Variants in SFXN1 observed in about 807,000 individuals in gnomAD.
SFXN1 encodes sideroflexin-1.
SFXN1 carries 32 observed loss-of-function variants against 39.5 expected under a neutral mutation model. The ratio of observed to expected loss-of-function variants is 0.81; its 90% CI spans 0.61 to 1.09. The LOEUF is 1.09. Ranked by LOEUF, SFXN1 falls within the 50% of genes least tolerant of loss-of-function variation. The probability of loss-of-function intolerance (pLI) is 0.00; values close to 1 mark genes in which losing one functional copy is unlikely to be tolerated. For synonymous variants in SFXN1, 136 were observed against 146.5 expected, an observed-to-expected ratio of 0.93 and a Z score of 0.52; for missense variants, 402 against 407.1, an observed-to-expected ratio of 0.99 and a Z score of 0.11.
rs879019439 is a variant in SFXN1 at position 175,527,915 on chromosome 5, A to ATTTTTTTTTT, written c.*1194_*1203dup. 8.2e-6 allele frequency: 1 copy of ATTTTTTTTTT among 121,226 alleles called. No homozygotes were observed. Among genetic ancestry groups the ATTTTTTTTTT allele is most frequent in the East Asian group, 2.3e-4 (1 of 4,280 alleles). The allele number at this position is 121,226 out of a possible 1,614,324, so 7.5% of individuals were successfully genotyped here. ...GAATTCAACCAAGTTTGGATGGAAA[A>ATTTTTTTTTT]TTTTTTTTTTTTTTTTTTTTTTGAG... is the stretch of plus-strand genomic sequence containing the variant. On this transcript the variant is annotated 3_prime_UTR_variant, in exon 11 of 11. Transcript: ENST00000321442.
intron 2 of SFXN1, among the ~76,000 whole-genome samples, chr5:175,494,828 G>A (rs1259078890): frequency 6.6e-6 from 1 of 151,798 alleles, no homozygotes; most frequent in East Asian, 1.9e-4. Context: ...CTTCTTGGGT[G>A]GTCAAAAGAT....
chr5:175,521,793 A>C (rs572799295), intron 8 of SFXN1, 126 bp from the exon 9 acceptor site: 1 of 735,734 alleles, frequency 1.4e-6, no homozygotes, highest in South Asian at 2.5e-5. Flanking sequence ...ATTTCCCCCA[A>C]ATTTCACTAA....
intron 2 of SFXN1, among the ~76,000 whole-genome samples, chr5:175,499,259 A>G (rs1403459557): frequency 2.5e-5 from 2 of 79,970 alleles, no homozygotes; most frequent in Non-Finnish European, 4.8e-5. Context: ...TGTCTCAAGA[A>G]AAAAAAAAAA....
intron 8 of SFXN1, among the ~76,000 whole-genome samples, chr5:175,517,833 A>T (rs1465339117): frequency 6.6e-6 from 1 of 152,134 alleles, no homozygotes; most frequent in East Asian, 1.9e-4. Context: ...CATGATGCCC[A>T]TGCGGTGGTG....
At chr5:175,495,788 A>G (rs984801435) in intron 2 of SFXN1, among the ~76,000 whole-genome samples, 2 of 152,206 alleles carry the variant, frequency 1.3e-5, no homozygotes. Context: ...CTACAATAAA[A>G]AAAGAAACAT....
chr5:175,495,796 C>A (rs66797059), intron 2 of SFXN1, among the ~76,000 whole-genome samples: 41,793 of 149,574 alleles, frequency 0.28, 6,041 homozygotes, highest in South Asian at 0.45. Flanking sequence ...AAAAAAGAAA[C>A]ATATAAGAAA....
chr5:175,516,777 G>A, intron 8 of SFXN1, 114 bp downstream of exon 8: 1 of 962,304 alleles, frequency 1.0e-6, no homozygotes, highest in Non-Finnish European at 1.5e-6. Context: ...CAGTTTCCTG[G>A]GCTCTTACGT....
chr5:175,521,994 T>G, intron 9 of SFXN1, 26 bp downstream of exon 9: 3 of 1,557,516 alleles, frequency 1.9e-6, no homozygotes, highest in Non-Finnish European at 1.8e-6. Context: ...TTTTACATAA[T>G]TAATTTCTTT....
At chr5:175,511,728 C>A (rs1443572253) in intron 5 of SFXN1, 2 of 574,264 alleles carry the variant, frequency 3.5e-6, no homozygotes, top group Non-Finnish European at 6.2e-6. Flanking sequence ...GGACTGTGGT[C>A]TGTGCCTGAC....
chr5:175,519,010 C>T (rs1760799184), intron 8 of SFXN1, among the ~76,000 whole-genome samples: 2 of 152,110 alleles, frequency 1.3e-5, no homozygotes, highest in Non-Finnish European at 2.9e-5. Context: ...GGACTTGTGT[C>T]CAGAATACAT....
chr5:175,514,179 G>A (rs1760639829), intron 7 of SFXN1, among the ~76,000 whole-genome samples: 1 of 152,126 alleles, frequency 6.6e-6, no homozygotes, highest in Non-Finnish European at 1.5e-5. Flanking sequence ...CGGGGAGGCT[G>A]CCTCAGTAAT....
intron 1 of SFXN1, among the ~76,000 whole-genome samples, chr5:175,485,116 A>G (rs1759401696): frequency 6.6e-6 from 1 of 152,132 alleles, no homozygotes; most frequent in Non-Finnish European, 1.5e-5. Context: ...ATTAGTCTGT[A>G]TGTTTGTTTG....
intron 2 of SFXN1, among the ~76,000 whole-genome samples, chr5:175,497,240 A>G (rs1759890762): frequency 1.3e-5 from 2 of 152,176 alleles, no homozygotes; most frequent in Admixed American, 1.3e-4. Flanking sequence ...ATCAGTATGT[A>G]AGAAATAACT....
intron 1 of SFXN1, among the ~76,000 whole-genome samples, chr5:175,489,142 T>A (rs1759563761): frequency 6.6e-6 from 1 of 152,008 alleles, no homozygotes. Flanking sequence ...AGCTAACAGA[T>A]TTTTTTTCTC....
intron 2 of SFXN1, among the ~76,000 whole-genome samples, chr5:175,492,827 T>G (rs1759710402): frequency 1.3e-5 from 2 of 152,292 alleles, no homozygotes; most frequent in Middle Eastern, 3.4e-3. Context: ...TGTAGAGATA[T>G]TCCAAGGCAG....
intron 7 of SFXN1, 186 bp downstream of exon 7, chr5:175,513,776 A>G (rs868042840): frequency 5.5e-5 from 32 of 584,400 alleles, no homozygotes; most frequent in African/African-American, 3.2e-4. Flanking sequence ...CAAGGGGGCA[A>G]TGGGGCTAGG....
intron 2 of SFXN1, among the ~76,000 whole-genome samples, chr5:175,501,623 C>T (rs1413336374): frequency 3.9e-5 from 6 of 152,104 alleles, no homozygotes; most frequent in African/African-American, 1.4e-4. Context: ...GAACTATATC[C>T]ATCCAGTAAT....
intron 9 of SFXN1, 133 bp downstream of exon 9, chr5:175,522,101 C>A: frequency 1.4e-6 from 1 of 705,684 alleles, no homozygotes. Context: ...ATGCATGGCC[C>A]CAAATAATTA....
chr5:175,512,584 C>A (rs1760560325), intron 6 of SFXN1, among the ~76,000 whole-genome samples: 1 of 151,942 alleles, frequency 6.6e-6, no homozygotes, highest in Admixed American at 6.6e-5. Flanking sequence ...CCAGAATTTT[C>A]TTTTGGGGCT....
Sources: gnomAD v4.1 joint callset for allele counts (sites outside exome capture counted in the v4.1 genomes callset) on GRCh38, gnomAD v4.1.1 for gene constraint, MANE v1.5 for transcripts, NCBI Gene and HGNC (gene_info 2026-07-23, HGNC 2026-07-21) for gene names.